Variants in UBASH3B observed in about 807,000 individuals in gnomAD.
The protein encoded by UBASH3B is ubiquitin-associated and SH3 domain-containing protein B.
UBASH3B carries 37 observed loss-of-function variants against 83.4 expected under a neutral mutation model. The observed-to-expected ratio is 0.44, with a 90% CI of 0.34 to 0.58. The LOEUF (loss-of-function observed/expected upper bound fraction) is 0.58. Ranked by LOEUF, UBASH3B falls within the 20% of genes least tolerant of loss-of-function variation. UBASH3B has a pLI of 0.01. For missense variants in UBASH3B, 657 were observed against 827.2 expected (o/e 0.79, Z 2.52); for synonymous variants, 304 against 318.3 (o/e 0.96, Z 0.48).
At chr11:122,678,059 A>G (rs1280320852) in intron 1 of UBASH3B, among the ~76,000 whole-genome samples, 1 of 152,228 alleles carries the variant, frequency 6.6e-6, no homozygotes, top group African/African-American at 2.4e-5. Context: ...CCAATGTGCT[A>G]GGATTATAGG....
intron 6 of UBASH3B, among the ~76,000 whole-genome samples, chr11:122,792,499 A>T (rs550437062): frequency 6.6e-6 from 1 of 151,726 alleles, no homozygotes; most frequent in Non-Finnish European, 1.5e-5. Flanking sequence ...TTGTATTTTG[A>T]ATAGAGACGG....
intron 1 of UBASH3B, among the ~76,000 whole-genome samples, chr11:122,707,335 G>T (rs1404684562): frequency 6.6e-6 from 1 of 152,030 alleles, no homozygotes; most frequent in Non-Finnish European, 1.5e-5. Flanking sequence ...GCTTCTGACG[G>T]GGAGTGGTAA....
At chr11:122,700,940 G>A (rs1864033720) in intron 1 of UBASH3B, among the ~76,000 whole-genome samples, 1 of 152,220 alleles carries the variant, frequency 6.6e-6, no homozygotes, top group African/African-American at 2.4e-5. Context: ...TGGGAAGCCT[G>A]TGTTTTCTCA....
intron 1 of UBASH3B, among the ~76,000 whole-genome samples, chr11:122,764,100 G>A (rs1253515191): frequency 3.9e-5 from 6 of 152,190 alleles, no homozygotes; most frequent in South Asian, 2.1e-4. Flanking sequence ...GTTTGGACTC[G>A]TGGAAAAACT....
intron 1 of UBASH3B, among the ~76,000 whole-genome samples, chr11:122,715,549 A>C (rs377300543): frequency 1.2e-4 from 19 of 152,332 alleles, no homozygotes; most frequent in African/African-American, 4.6e-4. Context: ...TGTGTCACCA[A>C]AGAGACACAG....
At chr11:122,700,871 C>G (rs1182394021) in intron 1 of UBASH3B, among the ~76,000 whole-genome samples, 1 of 152,158 alleles carries the variant, frequency 6.6e-6, no homozygotes, top group Non-Finnish European at 1.5e-5. Flanking sequence ...TGAGAGAACA[C>G]TTCATGTAGG....
rs1444773331 is a variant in UBASH3B at position 122,810,686 on chromosome 11, A to C, written c.*800A>C. On this transcript the variant is annotated 3_prime_UTR_variant, in exon 14 of 14. Transcript: ENST00000284273. Reference sequence around the variant, plus strand: ...CTTGCAAAATATGAAGTGACTTGGAATTAACCATGTTGTAGCCTAACGTGC... The same window carrying C: ...CTTGCAAAATATGAAGTGACTTGGACTTAACCATGTTGTAGCCTAACGTGC... The C allele has an allele frequency of 6.6e-6, 1 of 152,612 alleles. No individual in the cohort carries two copies. Among genetic ancestry groups the C allele is most frequent in the Non-Finnish European group, 1.5e-5 (1 of 68,042 alleles). 9.5% of individuals were successfully genotyped at this position (152,612 alleles called of 1,614,324 possible).
chr11:122,707,961 C>T (rs947482152), intron 1 of UBASH3B, among the ~76,000 whole-genome samples: 4 of 152,306 alleles, frequency 2.6e-5, no homozygotes. Flanking sequence ...TCCCAAAGTG[C>T]CGGGATTACA....
chr11:122,707,354 T>C (rs926165424), intron 1 of UBASH3B, among the ~76,000 whole-genome samples: 7 of 152,138 alleles, frequency 4.6e-5, no homozygotes, highest in Admixed American at 4.6e-4. Flanking sequence ...AACCTTTTCC[T>C]AACGTGTGCC....
At chr11:122,679,232 G>A (rs569416024) in intron 1 of UBASH3B, among the ~76,000 whole-genome samples, 5 of 152,236 alleles carry the variant, frequency 3.3e-5, no homozygotes, top group Admixed American at 1.3e-4. Context: ...AGGTCAGTGC[G>A]TGCATAGGCA....
chr11:122,659,215 G>A lies in UBASH3B; in HGVS notation c.161+3005G>A, dbSNP rs555950047. The stretch of plus-strand genomic sequence containing the variant: ...TCCTTTAAAAAAAAATGTATAAGGC[G>A]GCATTCACAGCTTCTAGGGATTAGG... On this transcript the variant is annotated intron_variant, in intron 1 of 13. Transcript: ENST00000284273. Among the ~76,000 whole-genome samples, 10 of 152,172 alleles carry A rather than the reference G, an allele frequency of 6.6e-5. No individual in the cohort carries two copies. The South Asian group carries it at 1.5e-3, about 22-fold the overall frequency.
chr11:122,671,944 C>G (rs548139545), intron 1 of UBASH3B, among the ~76,000 whole-genome samples: 21 of 152,166 alleles, frequency 1.4e-4, no homozygotes, highest in African/African-American at 4.8e-4. Flanking sequence ...TGTTCCTTTT[C>G]CATCTTCTGC....
intron 1 of UBASH3B, among the ~76,000 whole-genome samples, chr11:122,773,462 T>C (rs540361143): frequency 1.3e-5 from 2 of 152,344 alleles, no homozygotes; most frequent in East Asian, 1.9e-4. Context: ...CTGTTTCAGA[T>C]AGGTAACAGC....
At chr11:122,723,341 G>A (rs1860675218) in intron 1 of UBASH3B, among the ~76,000 whole-genome samples, 1 of 152,180 alleles carries the variant, frequency 6.6e-6, no homozygotes, top group South Asian at 2.1e-4. Flanking sequence ...AATAACCTAA[G>A]TCCTTAAGTT....
chr11:122,704,922 G>T (rs992168886), intron 1 of UBASH3B, among the ~76,000 whole-genome samples: 1 of 152,110 alleles, frequency 6.6e-6, no homozygotes, highest in Non-Finnish European at 1.5e-5. Context: ...CTTATTTGGG[G>T]GGTTAGAAGA....
At chr11:122,764,372 T>C (rs1464697550) in intron 1 of UBASH3B, among the ~76,000 whole-genome samples, 1 of 152,256 alleles carries the variant, frequency 6.6e-6, no homozygotes, top group Non-Finnish European at 1.5e-5. Context: ...TTGTAATCAC[T>C]TCCTTTCTGA....
At chr11:122,751,789 CTG>C (rs1362867550) in intron 1 of UBASH3B, among the ~76,000 whole-genome samples, 1 of 152,200 alleles carries the variant, frequency 6.6e-6, no homozygotes, top group Non-Finnish European at 1.5e-5. Flanking sequence ...TTTTAGGAAA[CTG>C]TGCTCCACAT....
intron 9 of UBASH3B, among the ~76,000 whole-genome samples, chr11:122,798,136 A>G (rs2065041099): frequency 6.6e-6 from 1 of 152,122 alleles, no homozygotes; most frequent in South Asian, 2.1e-4. Flanking sequence ...GTGACAGAGC[A>G]AAACCCTATC....
chr11:122,734,197 T>C (rs1354326203), intron 1 of UBASH3B, among the ~76,000 whole-genome samples: 1 of 152,198 alleles, frequency 6.6e-6, no homozygotes. Context: ...AAATTGAATG[T>C]CTCCTCCCTT....
Sources: allele counts gnomAD v4.1 joint callset (sites outside exome capture counted in the v4.1 genomes callset), GRCh38; gene constraint gnomAD v4.1.1; transcripts MANE v1.5; gene names NCBI Gene and HGNC (gene_info 2026-07-23, HGNC 2026-07-21).